NAV3: variants seen among roughly 807,000 people sequenced by gnomAD.
The protein encoded by NAV3 is pore membrane and/or filament interacting like protein 1.
In NAV3, 87 loss-of-function variants were observed where a neutral mutation model predicts 244.7. The ratio of observed to expected loss-of-function variants is 0.36; its 90% CI spans 0.30 to 0.42. The LOEUF is 0.42. NAV3 is among the 20% of genes least tolerant of loss of function. The pLI is 1.00. For synonymous variants in NAV3, 1,126 were observed against 1,042.2 expected (o/e 1.08, Z -1.55); for missense variants, 2,663 against 2,893.3 (o/e 0.92, Z 1.83).
intron 6 of NAV3, among the ~76,000 whole-genome samples, chr12:77,996,865 G>T (rs1211281261): frequency 6.6e-6 from 1 of 152,122 alleles, no homozygotes; most frequent in Non-Finnish European, 1.5e-5. Flanking sequence ...TTTCAGAGTA[G>T]TACACAGTGA....
At chr12:78,178,395 A>G (rs994625678) in intron 28 of NAV3, among the ~76,000 whole-genome samples, 2 of 151,890 alleles carry the variant, frequency 1.3e-5, no homozygotes, top group Admixed American at 1.3e-4. Flanking sequence ...TCCTGACCTC[A>G]AGTGATTCAC....
intron 1 of NAV3, among the ~76,000 whole-genome samples, chr12:77,873,773 T>TATATAAAAAA (rs762527287): frequency 3.1e-5 from 4 of 128,624 alleles, no homozygotes; most frequent in African/African-American, 8.6e-5. Context: ...TATATGTATA[T>TATATAAAAAA]AACAGCATAT....
chr12:78,119,187 T>G lies in NAV3; in HGVS notation c.3041-50T>G, dbSNP rs1187756202. The G allele has an allele frequency of 6.8e-6, 10 of 1,478,574 alleles. No individual in the cohort carries two copies. In the African/African-American group the frequency reaches 1.3e-4, roughly 19 times the overall value. The allele number at this position is 1,478,574 out of a possible 1,614,324, so 91.6% of individuals were successfully genotyped here. A position where few individuals can be genotyped will look rare whatever the true frequency, so the allele number is the denominator to read the frequency against. ...TTACACATTGTTTCACGAAGTGTGG[T>G]GATATCAAACTCTACAGGCACATAT... On this transcript the variant is annotated intron_variant, in intron 14 of 39. Transcript: ENST00000397909.
chr12:77,588,915 A>G (rs1043865106), intron 2 of NAV3, among the ~76,000 whole-genome samples: 2 of 152,190 alleles, frequency 1.3e-5, no homozygotes, highest in Non-Finnish European at 2.9e-5. Flanking sequence ...CATACTGAGC[A>G]CTAGGGAATG....
rs1221145074 is a variant in NAV3 at position 77,989,481 on chromosome 12, A to T, written c.672-5322A>T. 2.0e-5 allele frequency among the ~76,000 whole-genome samples: 3 copies of T among 152,194 alleles called. No individual in the cohort carries two copies. In the East Asian group the frequency reaches 5.8e-4, roughly 29 times the overall value. On this transcript the variant is annotated intron_variant, in intron 5 of 39. Coordinates refer to ENST00000397909, the MANE Select transcript of NAV3 (RefSeq NM_001024383.2). Reference sequence around the variant, plus strand: ...ACCAACCAACCAACCAAACAAACAAACAAAAATAAATTGGTCTTCCAAGGA... The same window carrying T: ...ACCAACCAACCAACCAAACAAACAATCAAAAATAAATTGGTCTTCCAAGGA...
chr12:77,783,572 G>A (rs1409944782), intron 2 of NAV3: 1 of 152,192 alleles, frequency 6.6e-6, no homozygotes, highest in Non-Finnish European at 1.5e-5. Context: ...AAAGTGATAT[G>A]AGAATTAAAG....
At chr12:77,585,447 C>A (rs1869557071) in intron 2 of NAV3, among the ~76,000 whole-genome samples, 1 of 151,814 alleles carries the variant, frequency 6.6e-6, no homozygotes, top group South Asian at 2.1e-4. Flanking sequence ...TTCAATAACT[C>A]CAAGATAAAT....
At chr12:78,078,894 G>T (rs1953206060) in intron 12 of NAV3, among the ~76,000 whole-genome samples, 1 of 152,168 alleles carries the variant, frequency 6.6e-6, no homozygotes, top group Admixed American at 6.6e-5. Context: ...TTTAGCAAGA[G>T]AGAAGTATTT....
intron 9 of NAV3, among the ~76,000 whole-genome samples, chr12:78,046,670 A>G (rs1881850170): frequency 6.6e-6 from 1 of 152,194 alleles, no homozygotes; most frequent in Admixed American, 6.5e-5. Context: ...CAGTTTTAGA[A>G]TAAGTGTGAT....
At chr12:77,610,102 C>T (rs971375567) in intron 2 of NAV3, among the ~76,000 whole-genome samples, 8 of 151,916 alleles carry the variant, frequency 5.3e-5, no homozygotes, top group South Asian at 2.1e-4. Context: ...TCTCACAAGG[C>T]GTTCTTGAAT....
intron 12 of NAV3, among the ~76,000 whole-genome samples, chr12:78,099,515 C>G (rs1377210336): frequency 6.6e-6 from 1 of 151,640 alleles, no homozygotes; most frequent in Non-Finnish European, 1.5e-5. Context: ...CCACAGTGAG[C>G]ATATATTGGT....
intron 2 of NAV3, among the ~76,000 whole-genome samples, chr12:77,722,628 A>G (rs532426500): frequency 2.4e-4 from 37 of 152,152 alleles, no homozygotes; most frequent in African/African-American, 7.9e-4. Flanking sequence ...TTGTTAAATC[A>G]TGTTATTATA....
Position 78,177,703 on chromosome 12 carries a change from G to T in NAV3, c.5363+18G>T. 1 of 1,594,998 alleles carries T rather than the reference G, an allele frequency of 6.3e-7. No homozygotes were observed. Among genetic ancestry groups the T allele is most frequent in the East Asian group, 2.2e-5 (1 of 44,600 alleles). On this transcript the variant is annotated intron_variant, in intron 28 of 39. Transcript: ENST00000397909. ...AGATCTCGGTAAAGTGGAGTGCGATGCATGAATACTGCAAAGATCCAGGTT... is the reference window on the plus strand; with the variant it reads ...AGATCTCGGTAAAGTGGAGTGCGATTCATGAATACTGCAAAGATCCAGGTT...
chr12:77,668,735 G>A lies in NAV3; in HGVS notation c.72+96469G>A, dbSNP rs144098111. Among the ~76,000 whole-genome samples the A allele has an allele frequency of 2.4e-3, 364 of 152,270 alleles. 3 individuals are homozygous for A. The highest frequency in any genetic ancestry group is 3.9e-3 in the Non-Finnish European group (264 of 68,020). ...GGAAAACATATTTTAGAGAATAATG[G>A]AGGAAAACGTCGTCCTTGGCCTTGC... On this transcript the variant is annotated intron_variant, in intron 2 of 8. Coordinates refer to the NAV3 transcript ENST00000550042.
At chr12:77,629,752 A>G (rs1021993716) in intron 2 of NAV3, among the ~76,000 whole-genome samples, 2 of 152,210 alleles carry the variant, frequency 1.3e-5, no homozygotes, top group Admixed American at 6.6e-5. Flanking sequence ...ACATTAGTTA[A>G]AAACTCTCCC....
At chr12:78,180,244 T>G (rs1167507847) in intron 29 of NAV3, among the ~76,000 whole-genome samples, 1 of 152,140 alleles carries the variant, frequency 6.6e-6, no homozygotes, top group African/African-American at 2.4e-5. Context: ...ATTTTATTAT[T>G]GTATACCAGT....
chr12:78,076,601 C>G (rs1953063220), intron 12 of NAV3, among the ~76,000 whole-genome samples: 1 of 152,096 alleles, frequency 6.6e-6, no homozygotes, highest in Non-Finnish European at 1.5e-5. Flanking sequence ...TTCTTCACAT[C>G]TAGCACTGGA....
intron 22 of NAV3, among the ~76,000 whole-genome samples, chr12:78,152,571 G>A (rs541504290): frequency 6.6e-6 from 1 of 151,816 alleles, no homozygotes; most frequent in South Asian, 2.1e-4. Context: ...ATCATAATCA[G>A]CCATCAAATA....
chr12:77,663,999 T>C (rs1873599344), intron 2 of NAV3, among the ~76,000 whole-genome samples: 1 of 152,228 alleles, frequency 6.6e-6, no homozygotes, highest in African/African-American at 2.4e-5. Context: ...AGTCCTGGTG[T>C]AGTCTTTGTC....
Sources: allele counts gnomAD v4.1 joint callset (sites outside exome capture counted in the v4.1 genomes callset), GRCh38; gene constraint gnomAD v4.1.1; transcripts MANE v1.5; gene names NCBI Gene and HGNC (gene_info 2026-07-23, HGNC 2026-07-21).